RIMKLB: variants seen among roughly 807,000 people sequenced by gnomAD.
The protein encoded by RIMKLB is beta-citrylglutamate synthase B.
RIMKLB carries 7 observed loss-of-function variants against 32.0 expected under a neutral mutation model. The ratio of observed to expected loss-of-function variants is 0.22; its 90% CI spans 0.12 to 0.41. RIMKLB has a LOEUF of 0.41. RIMKLB is among the 10% of genes least tolerant of loss of function. The pLI is 1.00. For missense variants in RIMKLB, 289 were observed against 498.7 expected, an observed-to-expected ratio of 0.58 and a Z score of 4.00; for synonymous variants, 172 against 185.1, an observed-to-expected ratio of 0.93 and a Z score of 0.57.
At chr12:8,692,995 C>T (rs1410602754), upstream of RIMKLB, among the ~76,000 whole-genome samples, 1 of 152,238 alleles carries the variant, frequency 6.6e-6, no homozygotes, top group East Asian at 1.9e-4. Flanking sequence ...CTGATGATAA[C>T]TATCTCAAAG....
At position 8,774,189 on chromosome 12, in the gene RIMKLB, A is replaced by G. The variant is rs1276218228; in HGVS notation, c.*405A>G. 1.0e-6 allele frequency: 1 copy of G among 987,532 alleles called. No homozygotes were observed. Among genetic ancestry groups the G allele is most frequent in the African/African-American group, 1.8e-5 (1 of 57,094 alleles). 61.2% of individuals were successfully genotyped at this position (987,532 alleles called of 1,614,324 possible). A position where few individuals can be genotyped will look rare whatever the true frequency, so the allele number is the denominator to read the frequency against. On this transcript the variant is annotated 3_prime_UTR_variant, in exon 6 of 6. Transcript: ENST00000535829. ...TTCACATTGTGTTGGAAGATTTGTC[A>G]TCAGTGAGGAAAACATCTGCATAAA...
intron 2 of RIMKLB, among the ~76,000 whole-genome samples, chr12:8,729,882 T>G (rs754480998): frequency 2.0e-5 from 3 of 152,334 alleles, no homozygotes; most frequent in Non-Finnish European, 4.4e-5. Context: ...ATAATAGCCA[T>G]CCTAATGGGT....
At chr12:8,713,300 C>T (rs1944531932) in intron 1 of RIMKLB, among the ~76,000 whole-genome samples, 1 of 148,944 alleles carries the variant, frequency 6.7e-6, no homozygotes, top group South Asian at 2.1e-4. Context: ...GTGCTACTAC[C>T]TATTTTTTTT....
chr12:8,760,134 C>G (rs189139653), intron 5 of RIMKLB, among the ~76,000 whole-genome samples: 1 of 152,222 alleles, frequency 6.6e-6, no homozygotes, highest in African/African-American at 2.4e-5. Context: ...GTGATGATCC[C>G]CTTCCTGTGT....
intron 2 of RIMKLB, among the ~76,000 whole-genome samples, chr12:8,725,754 AC>A (rs750505070): frequency 3.9e-5 from 6 of 152,196 alleles, no homozygotes; most frequent in Non-Finnish European, 8.8e-5. Flanking sequence ...TTTGGTACAC[AC>A]CAAGTAGCAC....
At chr12:8,746,670 C>T (rs757644578) in intron 2 of RIMKLB, among the ~76,000 whole-genome samples, 1 of 152,026 alleles carries the variant, frequency 6.6e-6, no homozygotes, top group Non-Finnish European at 1.5e-5. Context: ...ATGGTGTTAG[C>T]CACAGGCAAA....
chr12:8,767,305 C>G (rs1391217471), intron 5 of RIMKLB, among the ~76,000 whole-genome samples: 1 of 152,146 alleles, frequency 6.6e-6, no homozygotes, highest in Non-Finnish European at 1.5e-5. Context: ...TGGTGGGGAA[C>G]AGGTCCCACA....
intron 5 of RIMKLB, among the ~76,000 whole-genome samples, chr12:8,767,143 A>G (rs1950037007): frequency 6.6e-6 from 1 of 152,244 alleles, no homozygotes; most frequent in South Asian, 2.1e-4. Context: ...TCCATTATCA[A>G]TTATAGGTTT....
intron 1 of RIMKLB, among the ~76,000 whole-genome samples, chr12:8,685,169 AG>A (rs1942533211): frequency 1.3e-5 from 2 of 152,130 alleles, no homozygotes; most frequent in East Asian, 3.9e-4. Flanking sequence ...TAGAACTTTC[AG>A]TATTGAAAGT....
chr12:8,687,760 G>A (rs2136554958), intron 1 of RIMKLB, among the ~76,000 whole-genome samples: 1 of 145,628 alleles, frequency 6.9e-6, no homozygotes, highest in East Asian at 2.0e-4. Flanking sequence ...ACATTATTGT[G>A]TTCCAGAAGG....
chr12:8,734,409 A>G (rs768888993), intron 2 of RIMKLB, among the ~76,000 whole-genome samples: 5 of 152,232 alleles, frequency 3.3e-5, no homozygotes, highest in African/African-American at 4.8e-5. Context: ...CTGGTGACCT[A>G]TTGACGCTTA....
At chr12:8,718,558 G>A (rs1281616789) in intron 2 of RIMKLB, among the ~76,000 whole-genome samples, 1 of 152,082 alleles carries the variant, frequency 6.6e-6, no homozygotes, top group African/African-American at 2.4e-5. Context: ...CAGGAGAATC[G>A]ATTGAACCCC....
At chr12:8,689,720 T>A (rs979569188) in intron 1 of RIMKLB, among the ~76,000 whole-genome samples, 4 of 152,126 alleles carry the variant, frequency 2.6e-5, no homozygotes, top group Non-Finnish European at 4.4e-5. Context: ...TTCTCCGGTG[T>A]CTTTGTCTCC....
intron 5 of RIMKLB, among the ~76,000 whole-genome samples, chr12:8,762,312 T>G (rs1465238787): frequency 6.6e-6 from 1 of 152,202 alleles, no homozygotes; most frequent in African/African-American, 2.4e-5. Flanking sequence ...GGGAGGAAAC[T>G]ACATCCTCGT....
At chr12:8,717,832 T>C (rs1415150374) in intron 2 of RIMKLB, among the ~76,000 whole-genome samples, 1 of 152,248 alleles carries the variant, frequency 6.6e-6, no homozygotes, top group Non-Finnish European at 1.5e-5. Flanking sequence ...TTTATGTTTT[T>C]ATTGCCTAAT....
chr12:8,736,465 G>A (rs1423594835), intron 2 of RIMKLB, among the ~76,000 whole-genome samples: 1 of 144,330 alleles, frequency 6.9e-6, no homozygotes, highest in East Asian at 2.0e-4. Flanking sequence ...TTGTTTGTTT[G>A]TTTTCTGAGC....
intron 5 of RIMKLB, among the ~76,000 whole-genome samples, chr12:8,764,936 T>A (rs893681059): frequency 1.3e-5 from 2 of 150,596 alleles, no homozygotes; most frequent in African/African-American, 4.9e-5. Flanking sequence ...ACTAAAGCAG[T>A]GGCCTTTTTC....
intron 1 of RIMKLB, among the ~76,000 whole-genome samples, chr12:8,685,812 TTTTA>T (rs1309721470): frequency 6.6e-6 from 1 of 151,606 alleles, no homozygotes; most frequent in Non-Finnish European, 1.5e-5. Context: ...CCCAGCTATT[TTTTA>T]TTCTTTTTTG....
upstream of RIMKLB, among the ~76,000 whole-genome samples, chr12:8,694,928 GAAT>G (rs1223686677): frequency 6.6e-6 from 1 of 152,092 alleles, no homozygotes; most frequent in Non-Finnish European, 1.5e-5. Context: ...AGTTAGTCTT[GAAT>G]AATAATAGCT....
Sources: gnomAD v4.1 joint callset for allele counts (sites outside exome capture counted in the v4.1 genomes callset) on GRCh38, gnomAD v4.1.1 for gene constraint, MANE v1.5 for transcripts, NCBI Gene and HGNC (gene_info 2026-07-23, HGNC 2026-07-21) for gene names.